The following EPHB1 variants were observed in gnomAD, a reference collection of about 807,000 sequenced individuals.
The protein encoded by EPHB1 is ephrin type-B receptor 1.
EPHB1 carries 30 observed loss-of-function variants against 94.4 expected under a neutral mutation model. The observed-to-expected ratio is 0.32, with a 90% CI of 0.24 to 0.43. The LOEUF (loss-of-function observed/expected upper bound fraction) is 0.43, where lower values mean the gene tolerates loss of function less well. Among genes scored for constraint, EPHB1 ranks in the 20% least tolerant of loss-of-function variants. The pLI is 1.00. For synonymous variants in EPHB1, 522 were observed against 489.1 expected (o/e 1.07, Z -0.89); for missense variants, 1,055 against 1,308.3 (o/e 0.81, Z 2.99).
At chr3:135,189,392 G>A (rs1224017437) in intron 10 of EPHB1, among the ~76,000 whole-genome samples, 2 of 152,144 alleles carry the variant, frequency 1.3e-5, no homozygotes, top group Non-Finnish European at 2.9e-5. Flanking sequence ...CAGTATCACC[G>A]GGCAGCCAGG....
chr3:134,913,867 G>A (rs922460686), intron 1 of EPHB1, among the ~76,000 whole-genome samples: 38 of 152,196 alleles, frequency 2.5e-4, no homozygotes, highest in Non-Finnish European at 4.6e-4. Flanking sequence ...TATTGGTGGT[G>A]GTCGGTGGTG....
At chr3:134,848,832 T>C (rs1223517383) in intron 1 of EPHB1, among the ~76,000 whole-genome samples, 1 of 152,226 alleles carries the variant, frequency 6.6e-6, no homozygotes, top group Admixed American at 6.5e-5. Context: ...ATGCTCTTTA[T>C]TGAGAAAGCA....
At chr3:134,861,103 G>A (rs538842897) in intron 1 of EPHB1, among the ~76,000 whole-genome samples, 1 of 152,178 alleles carries the variant, frequency 6.6e-6, no homozygotes, top group Non-Finnish European at 1.5e-5. Flanking sequence ...AGAGGGCAGG[G>A]CTAGGTCTAC....
intron 1 of EPHB1, among the ~76,000 whole-genome samples, chr3:134,879,643 T>C (rs1182421050): frequency 3.3e-5 from 5 of 151,868 alleles, no homozygotes; most frequent in African/African-American, 1.2e-4. Flanking sequence ...CAGAGCGAGA[T>C]CCTGTCTCCA....
At chr3:134,842,692 ATG>A (rs1020275316) in intron 1 of EPHB1, among the ~76,000 whole-genome samples, 1 of 152,116 alleles carries the variant, frequency 6.6e-6, no homozygotes, top group African/African-American at 2.4e-5. Context: ...TTCTTCAAAC[ATG>A]TCTTTCCCAT....
intron 3 of EPHB1, among the ~76,000 whole-genome samples, chr3:135,032,325 C>CTA (rs2107761244): frequency 1.3e-5 from 2 of 149,098 alleles, no homozygotes; most frequent in Non-Finnish European, 3.0e-5. Flanking sequence ...CATCATAAAA[C>CTA]TATTTTATTG....
intron 3 of EPHB1, among the ~76,000 whole-genome samples, chr3:134,979,532 G>T (rs891620007): frequency 7.9e-5 from 12 of 152,178 alleles, no homozygotes; most frequent in African/African-American, 2.9e-4. Context: ...TTTGTACAGG[G>T]CTAAGCAAGT....
chr3:134,952,949 T>G (rs1933093109), intron 3 of EPHB1, among the ~76,000 whole-genome samples: 1 of 152,216 alleles, frequency 6.6e-6, no homozygotes, highest in Admixed American at 6.5e-5. Flanking sequence ...AAGAGAAGAC[T>G]GCTTTCCCTT....
intron 1 of EPHB1, among the ~76,000 whole-genome samples, chr3:134,897,606 C>A (rs1485852090): frequency 1.3e-5 from 2 of 152,222 alleles, no homozygotes; most frequent in African/African-American, 4.8e-5. Context: ...CCTCCCCTGA[C>A]CACCCACTTT....
intron 4 of EPHB1, among the ~76,000 whole-genome samples, chr3:135,114,094 G>T (rs1939576621): frequency 6.6e-6 from 1 of 152,226 alleles, no homozygotes; most frequent in Non-Finnish European, 1.5e-5. Context: ...CTCAGGAAAT[G>T]CTGTCTGTTT....
chr3:135,221,791 A>G (rs1393760093), intron 12 of EPHB1, among the ~76,000 whole-genome samples: 1 of 152,222 alleles, frequency 6.6e-6, no homozygotes, highest in African/African-American at 2.4e-5. Flanking sequence ...TATTGTTTTG[A>G]AATTCTTTAA....
At chr3:135,208,673 T>A (rs991972277) in intron 12 of EPHB1, among the ~76,000 whole-genome samples, 2 of 152,158 alleles carry the variant, frequency 1.3e-5, no homozygotes, top group Admixed American at 6.6e-5. Context: ...AACAGAGGTA[T>A]AAATATGGAA....
Position 134,795,406 on chromosome 3 carries a change from A to AAC in EPHB1, c.-212_-211dup, listed in dbSNP as rs927308942. The AAC allele has an allele frequency of 2.6e-4, 139 of 529,506 alleles. No homozygotes were observed. The highest frequency in any genetic ancestry group is 1.4e-3 in the Admixed American group (35 of 25,472). 32.8% of individuals were successfully genotyped at this position (529,506 alleles called of 1,614,324 possible). On this transcript the variant is annotated 5_prime_UTR_variant, in exon 1 of 16. In the 5' UTR this introduces an upstream ATG that the reference lacks. Transcript: ENST00000398015. ...CACGCACACACCCACCTCTCCCATAAACACACACACACACATGCACACCCA... is the reference window on the plus strand; with the variant it reads ...CACGCACACACCCACCTCTCCCATAAACACACACACACACACATGCACACCCA...
At chr3:135,097,169 T>TC (rs1938828271) in intron 3 of EPHB1, among the ~76,000 whole-genome samples, 1 of 41,176 alleles carries the variant, frequency 2.4e-5, no homozygotes. Flanking sequence ...TTTTTCTTTG[T>TC]TTTTTTTTTT....
rs149620229 is a variant in EPHB1 at position 135,135,525 on chromosome 3, C to G, written c.1297+2476C>G. ...GTAGGCATCATAAAAACTCTAATGA[C>G]TCAGATCCATTAAGGGCTGAGGTGG... On this transcript the variant is annotated intron_variant, in intron 5 of 15. Transcript: ENST00000398015. 4.1e-3 allele frequency among the ~76,000 whole-genome samples: 623 copies of G among 152,302 alleles called. 3 individuals carry two copies. The highest frequency in any genetic ancestry group is 0.014 in the African/African-American group (584 of 41,566).
At chr3:135,223,115 A>G (rs1392920) in intron 12 of EPHB1, among the ~76,000 whole-genome samples, 99,708 of 152,158 alleles carry the variant, frequency 0.66, 33,893 homozygotes, top group Middle Eastern at 0.76. Context: ...GCCTAATCAT[A>G]TGAGACCATT....
intron 11 of EPHB1, among the ~76,000 whole-genome samples, chr3:135,200,931 G>T (rs1242428433): frequency 2.6e-5 from 4 of 152,174 alleles, no homozygotes; most frequent in Non-Finnish European, 4.4e-5. Flanking sequence ...GGAAGAGTTT[G>T]TCTTGGAAAA....
intron 3 of EPHB1, among the ~76,000 whole-genome samples, chr3:135,061,445 A>G (rs1937508058): frequency 7.2e-6 from 1 of 138,810 alleles, no homozygotes; most frequent in Admixed American, 9.0e-5. Flanking sequence ...GCTCCCACTT[A>G]TGAGTGAGAA....
chr3:134,959,874 C>A (rs1933437287), intron 3 of EPHB1, among the ~76,000 whole-genome samples: 1 of 148,062 alleles, frequency 6.8e-6, no homozygotes, highest in Admixed American at 6.8e-5. Context: ...TCAGTCAGGG[C>A]TGTTGTCAGA....
Sources: allele counts gnomAD v4.1 joint callset (sites outside exome capture counted in the v4.1 genomes callset), GRCh38; gene constraint gnomAD v4.1.1; transcripts MANE v1.5; gene names NCBI Gene and HGNC (gene_info 2026-07-23, HGNC 2026-07-21).